TOP6BL: variants seen among roughly 807,000 people sequenced by gnomAD.
TOP6BL encodes the protein type 2 DNA topoisomerase 6 subunit B-like.
chr11:66,837,771 A>C, the TOP6BL span, among the ~76,000 whole-genome samples: 1 of 152,184 alleles, frequency 6.6e-6, no homozygotes, highest in Non-Finnish European at 1.5e-5. Context: ...GAGGAAGAAG[A>C]TACCTATTTT....
At chr11:66,755,302 G>A in the TOP6BL span, among the ~76,000 whole-genome samples, 2 of 151,960 alleles carry the variant, frequency 1.3e-5, no homozygotes, top group Non-Finnish European at 2.9e-5. Flanking sequence ...TGTATTTTTA[G>A]TAGAAACGGG....
At chr11:66,760,625 CAAAAAAAAAAAAAAAA>C in the TOP6BL span, among the ~76,000 whole-genome samples, 1 of 54,146 alleles carries the variant, frequency 1.8e-5, no homozygotes, top group African/African-American at 9.9e-5. Context: ...CCCATCTTTA[CAAAAAAAAAAAAAAAA>C]AAAAAAAAAA....
the TOP6BL span, among the ~76,000 whole-genome samples, chr11:66,826,548 C>A: frequency 2.0e-5 from 3 of 152,152 alleles, no homozygotes; most frequent in Admixed American, 6.5e-5. Flanking sequence ...CTTCAACTTT[C>A]TGGGTCATGT....
the TOP6BL span, among the ~76,000 whole-genome samples, chr11:66,756,193 G>A: frequency 1.3e-5 from 2 of 152,194 alleles, no homozygotes; most frequent in South Asian, 4.1e-4. Context: ...TAAGAAAGGA[G>A]TTATGTAGTC....
At chr11:66,764,554 A>G in the TOP6BL span, among the ~76,000 whole-genome samples, 1 of 151,644 alleles carries the variant, frequency 6.6e-6, no homozygotes, top group African/African-American at 2.4e-5. Flanking sequence ...AACCCCAGCT[A>G]CTTGGGAGGC....
At chr11:66,821,872 C>T in the TOP6BL span, 3 of 1,304,156 alleles carry the variant, frequency 2.3e-6, no homozygotes, top group South Asian at 2.7e-5. Flanking sequence ...GCCCCTTCCT[C>T]TCCTCTTCTG....
At chr11:66,818,246 C>T in the TOP6BL span, among the ~76,000 whole-genome samples, 1 of 152,178 alleles carries the variant, frequency 6.6e-6, no homozygotes, top group Non-Finnish European at 1.5e-5. Context: ...CTGTGGTATT[C>T]TTCCTTCTAC....
chr11:66,798,750 A>C, the TOP6BL span, among the ~76,000 whole-genome samples: 2 of 152,134 alleles, frequency 1.3e-5, no homozygotes, highest in Non-Finnish European at 2.9e-5. Context: ...GCAAGCATTA[A>C]GTATGTTTAG....
the TOP6BL span, among the ~76,000 whole-genome samples, chr11:66,768,183 A>G: frequency 6.6e-6 from 1 of 151,824 alleles, no homozygotes; most frequent in East Asian, 1.9e-4. Context: ...AGAGATTGAC[A>G]GGTCCAGACT....
At chr11:66,803,467 T>C in the TOP6BL span, among the ~76,000 whole-genome samples, 1,648 of 152,298 alleles carry the variant, frequency 0.011, 37 homozygotes, top group African/African-American at 0.037. Flanking sequence ...CTCGCTCTGT[T>C]GCTCAGGCTG....
chr11:66,812,988 A>G, the TOP6BL span, among the ~76,000 whole-genome samples: 1 of 152,184 alleles, frequency 6.6e-6, no homozygotes, highest in African/African-American at 2.4e-5. Flanking sequence ...GAGAGTGGGA[A>G]TGGGAAGTTC....
the TOP6BL span, among the ~76,000 whole-genome samples, chr11:66,779,942 T>C: frequency 1.4e-5 from 2 of 139,414 alleles, no homozygotes; most frequent in African/African-American, 5.4e-5. Flanking sequence ...TTCTCACTCA[T>C]AGGTGGGAAT....
At chr11:66,843,121 C>CG in the TOP6BL span, 2 of 1,602,524 alleles carry the variant, frequency 1.2e-6, no homozygotes, top group Non-Finnish European at 1.7e-6. Flanking sequence ...GTGCAGGCCA[C>CG]GGGCCGCTGC....
the TOP6BL span, among the ~76,000 whole-genome samples, chr11:66,778,699 T>C: frequency 6.6e-6 from 1 of 152,080 alleles, no homozygotes; most frequent in Admixed American, 6.6e-5. Context: ...GAACCCGCAT[T>C]GCCAAGTCAA....
the TOP6BL span, among the ~76,000 whole-genome samples, chr11:66,757,395 C>T: frequency 6.6e-6 from 1 of 152,034 alleles, no homozygotes; most frequent in South Asian, 2.1e-4. Flanking sequence ...ATGTTCTGTG[C>T]TGCTTGGGCT....
At chr11:66,822,740 A>C in the TOP6BL span, 1 of 1,131,630 alleles carries the variant, frequency 8.8e-7, no homozygotes. Context: ...ACGGTGGCTC[A>C]TGCCTATAAT....
the TOP6BL span, among the ~76,000 whole-genome samples, chr11:66,818,158 A>G: frequency 1.3e-5 from 2 of 152,308 alleles, no homozygotes; most frequent in Admixed American, 1.3e-4. Context: ...AGTCATAAGA[A>G]AAAAGAGACT....
chr11:66,784,550 C>G, the TOP6BL span, among the ~76,000 whole-genome samples: 4 of 152,248 alleles, frequency 2.6e-5, no homozygotes, highest in Non-Finnish European at 5.9e-5. Flanking sequence ...TGCTTACTTT[C>G]ATTCTCTATG....
chr11:66,838,431 T>G, the TOP6BL span: 1 of 1,613,804 alleles, frequency 6.2e-7, no homozygotes, highest in East Asian at 2.2e-5. Context: ...AACAGCAGCC[T>G]GGAGCTCCTA....
Sources: allele counts gnomAD v4.1 joint callset (sites outside exome capture counted in the v4.1 genomes callset), GRCh38; gene constraint gnomAD v4.1.1; transcripts MANE v1.5; gene names NCBI Gene and HGNC (gene_info 2026-07-23, HGNC 2026-07-21).